Variants in SGCZ observed in about 807,000 individuals in gnomAD.
SGCZ encodes the protein zeta-sarcoglycan.
In SGCZ, 40 loss-of-function variants were observed where a neutral mutation model predicts 41.3. The observed-to-expected ratio is 0.97, with a 90% confidence interval of 0.75 to 1.26. The LOEUF is 1.26. SGCZ is among the 50% of genes most tolerant of loss of function. The pLI is 0.00. For synonymous variants in SGCZ, 206 were observed against 137.5 expected (o/e 1.50, Z -3.49); for missense variants, 552 against 369.8 (o/e 1.49, Z -4.04).
At chr8:14,501,728 G>C (rs1349653744) in intron 2 of SGCZ, among the ~76,000 whole-genome samples, 2 of 151,172 alleles carry the variant, frequency 1.3e-5, no homozygotes, top group African/African-American at 4.9e-5. Flanking sequence ...AGTGATGCCT[G>C]GCTTGGCTAA....
intron 4 of SGCZ, among the ~76,000 whole-genome samples, chr8:14,184,237 G>C (rs531284767): frequency 1.6e-4 from 24 of 152,114 alleles, no homozygotes; most frequent in Non-Finnish European, 3.1e-4. Flanking sequence ...ATGGGCAAAT[G>C]TGTACAGATT....
chr8:14,086,791 C>T lies in SGCZ; in HGVS notation c.*3652G>A, dbSNP rs945006987. On this transcript the variant is annotated 3_prime_UTR_variant, in exon 8 of 8. Coordinates refer to ENST00000382080, the MANE Select transcript of SGCZ (RefSeq NM_139167.4). ...CGTGCCAAAAAGGTTTGTATTTCAA[C>T]TTTTATAAGCAGCTTTTTAAGGTGC... Among the ~76,000 whole-genome samples the T allele has an allele frequency of 6.6e-6, 1 of 151,566 alleles. No homozygotes were observed. Among genetic ancestry groups the T allele is most frequent in the Non-Finnish European group, 1.5e-5 (1 of 67,712 alleles).
intron 1 of SGCZ, among the ~76,000 whole-genome samples, chr8:14,692,014 G>C (rs1808815648): frequency 6.6e-6 from 1 of 151,882 alleles, no homozygotes; most frequent in East Asian, 1.9e-4. Context: ...TTGATCAATT[G>C]ATTGAAATAA....
At chr8:14,391,002 CT>C (rs1173013200) in intron 2 of SGCZ, among the ~76,000 whole-genome samples, 1 of 152,034 alleles carries the variant, frequency 6.6e-6, no homozygotes, top group Non-Finnish European at 1.5e-5. Context: ...ATAAAATAAA[CT>C]TCTGACCTAC....
At chr8:14,961,783 C>T (rs1800974880) in intron 1 of SGCZ, among the ~76,000 whole-genome samples, 2 of 152,164 alleles carry the variant, frequency 1.3e-5, no homozygotes, top group South Asian at 4.1e-4. Flanking sequence ...TACATCAGAA[C>T]CCCACAAGTA....
At chr8:14,887,691 T>G (rs998343803) in intron 1 of SGCZ, among the ~76,000 whole-genome samples, 2 of 152,140 alleles carry the variant, frequency 1.3e-5, no homozygotes, top group African/African-American at 4.8e-5. Flanking sequence ...ACATAGCAGC[T>G]GTAGCAATAT....
At chr8:14,787,260 T>C (rs1334748469) in intron 1 of SGCZ, among the ~76,000 whole-genome samples, 1 of 152,060 alleles carries the variant, frequency 6.6e-6, no homozygotes, top group Non-Finnish European at 1.5e-5. Flanking sequence ...ACAATGAAAT[T>C]CAGGTGTATC....
chr8:14,418,469 G>C (rs1476180464), intron 2 of SGCZ, among the ~76,000 whole-genome samples: 1 of 151,898 alleles, frequency 6.6e-6, no homozygotes, highest in Admixed American at 6.6e-5. Context: ...CTGTCAGGAA[G>C]ATTACACATT....
At chr8:14,201,845 G>A (rs760677346) in intron 4 of SGCZ, among the ~76,000 whole-genome samples, 4 of 149,326 alleles carry the variant, frequency 2.7e-5, no homozygotes, top group Non-Finnish European at 4.5e-5. Flanking sequence ...AGTATCACTA[G>A]TGAGATCTTT....
chr8:14,849,915 ATTTC>A (rs1355993054), intron 1 of SGCZ, among the ~76,000 whole-genome samples: 1 of 152,158 alleles, frequency 6.6e-6, no homozygotes, highest in Non-Finnish European at 1.5e-5. Flanking sequence ...TGTCTCTTTT[ATTTC>A]TTTATCTTCA....
intron 1 of SGCZ, among the ~76,000 whole-genome samples, chr8:14,608,919 G>A (rs1016657240): frequency 7.9e-5 from 12 of 151,942 alleles, no homozygotes; most frequent in Non-Finnish European, 1.5e-4. Flanking sequence ...GGCTTCTTAG[G>A]ACAATTTAGA....
At chr8:14,464,486 AT>A (rs35544350) in intron 2 of SGCZ, among the ~76,000 whole-genome samples, 474 of 135,848 alleles carry the variant, frequency 3.5e-3, no homozygotes, top group East Asian at 5.3e-3. Context: ...TTTGAGTGGT[AT>A]TTTTTTTTTT....
intron 1 of SGCZ, among the ~76,000 whole-genome samples, chr8:14,737,123 C>A (rs946423327): frequency 7.6e-6 from 1 of 130,906 alleles, no homozygotes; most frequent in African/African-American, 2.9e-5. Flanking sequence ...AGATTTATAT[C>A]TATATACTGG....
intron 4 of SGCZ, among the ~76,000 whole-genome samples, chr8:14,227,261 G>C (rs998177151): frequency 3.3e-5 from 5 of 151,984 alleles, no homozygotes; most frequent in Non-Finnish European, 7.4e-5. Flanking sequence ...AATGCAAACA[G>C]TTTTCTTTAT....
At chr8:14,284,866 T>C (rs1323747900) in intron 3 of SGCZ, among the ~76,000 whole-genome samples, 1 of 152,210 alleles carries the variant, frequency 6.6e-6, no homozygotes, top group Non-Finnish European at 1.5e-5. Context: ...AGATCATCTG[T>C]ATGTTTTTTC....
At chr8:14,109,786 G>C (rs987209812) in intron 5 of SGCZ, among the ~76,000 whole-genome samples, 2 of 152,088 alleles carry the variant, frequency 1.3e-5, no homozygotes, top group African/African-American at 4.8e-5. Context: ...AACAGGAAGA[G>C]ATTTTTTTTT....
At chr8:14,127,878 C>G (rs1334630420) in intron 5 of SGCZ, among the ~76,000 whole-genome samples, 2 of 152,082 alleles carry the variant, frequency 1.3e-5, no homozygotes, top group African/African-American at 4.8e-5. Context: ...GTATTAAGCC[C>G]AGTACCCGAT....
chr8:14,899,553 G>C (rs1174743787), intron 1 of SGCZ, among the ~76,000 whole-genome samples: 1 of 152,138 alleles, frequency 6.6e-6, no homozygotes. Context: ...GCTGGAAAAG[G>C]AATGCCCTTC....
At chr8:14,115,895 G>A (rs943975003) in intron 5 of SGCZ, among the ~76,000 whole-genome samples, 2 of 151,874 alleles carry the variant, frequency 1.3e-5, no homozygotes, top group African/African-American at 4.8e-5. Flanking sequence ...TTTCTGAAGA[G>A]AAACAAAATG....
Sources: gnomAD v4.1 joint callset for allele counts (sites outside exome capture counted in the v4.1 genomes callset) on GRCh38, gnomAD v4.1.1 for gene constraint, MANE v1.5 for transcripts, NCBI Gene and HGNC (gene_info 2026-07-23, HGNC 2026-07-21) for gene names.